SNX17: variants seen among roughly 807,000 people sequenced by gnomAD.
The protein encoded by SNX17 is sorting nexin 17, also known as sorting nexin-17.
In SNX17, 35 loss-of-function variants were observed where a neutral mutation model predicts 64.3. That is an observed-to-expected ratio of 0.54 (90% CI 0.42 to 0.72). SNX17 has a LOEUF of 0.72. Among genes scored for constraint, SNX17 ranks in the 30% least tolerant of loss-of-function variants. The pLI, the probability that SNX17 is intolerant of heterozygous loss-of-function variation, is 0.00. For synonymous variants in SNX17, 259 were observed against 230.2 expected (o/e 1.13, Z -1.13); for missense variants, 538 against 610.0 (o/e 0.88, Z 1.24).
rs541521803 is a variant in SNX17, at chr2:27,370,721, G to GGCCGT, written c.-12_-8dup. On this transcript the variant is annotated 5_prime_UTR_variant, in exon 1 of 15. Transcript: ENST00000233575. ...CTGCGGCCCTCACAGTCCGGAGCCC[G>GGCCGT]GCCGTGCCGTGCCGTAGGGAACATG... 4.1e-4 allele frequency: 632 copies of GGCCGT among 1,543,138 alleles called. 3 individuals are homozygous for GGCCGT. Among genetic ancestry groups the GGCCGT allele is most frequent in the African/African-American group, 4.1e-3 (296 of 72,852 alleles).
chr2:27,373,279 A>G lies in SNX17; in HGVS notation c.289A>G (p.Thr97Ala), dbSNP rs778956307. 4.4e-5 allele frequency: 71 copies of G among 1,614,088 alleles called. No homozygotes were observed. Among genetic ancestry groups the G allele is most frequent in the Non-Finnish European group, 5.9e-5 (70 of 1,180,038 alleles). Residue 97 changes from threonine (T) to alanine (A), a missense_variant, in exon 4 of 15, where the codon ACT becomes GCT. Thr to Ala is a moderately conservative substitution (Grantham distance 58). Transcript: ENST00000233575. ...RQDPLLGSSE[T>A]FNSFLRRAQQ... is the part of the protein sequence containing the mutation. ...AGACCCATTGCTTGGGAGCAGCGAG[A>G]CTTTCAACAGTTTCCTGCGTCGGGC...
rs777818780 is a variant in SNX17, at chr2:27,375,099, C to T, written c.720C>T (p.Thr240=). The change falls in exon 9 of 15, where the codon ACC becomes ACT. Residue 240 remains threonine (T), a synonymous_variant. Coordinates refer to ENST00000233575, the MANE Select transcript of SNX17 (RefSeq NM_014748.4). This position sits in a 1 kb window ranked among gnomAD's most constrained non-coding sequence, Gnocchi z 4.1. ...SDIERGWILV[T]KEQHRQLKSL... ...TTGAGCGTGGGTGGATCTTGGTCAC[C>T]AAGGAACAGCACCGGCAACTCAAAT... 1.9e-6 allele frequency: 3 copies of T among 1,614,054 alleles called. No homozygotes were observed. Among genetic ancestry groups the T allele is most frequent in the Non-Finnish European group, 8.5e-7 (1 of 1,180,014 alleles).
At position 27,376,939 on chromosome 2, in the gene SNX17, C is replaced by T; in HGVS notation, c.*220C>T. On this transcript the variant is annotated 3_prime_UTR_variant, in exon 15 of 15. Coordinates refer to ENST00000233575, the MANE Select transcript of SNX17 (RefSeq NM_014748.4). ...TCTTTTCAGAGCTGGCCCTCGATGC[C>T]AAATTAGCATTTAGTATTTTGCACA... 1 of 573,158 alleles carries T rather than the reference C, an allele frequency of 1.7e-6. No homozygotes were observed. The highest frequency in any genetic ancestry group is 3.1e-6 in the Non-Finnish European group (1 of 320,556). The allele number at this position is 573,158 out of a possible 1,614,324, so 35.5% of individuals were successfully genotyped here.
chr2:27,375,040 T>G lies in SNX17; in HGVS notation c.682-21T>G, dbSNP rs775844149. The G allele has an allele frequency of 1.2e-6, 2 of 1,608,408 alleles. No homozygotes were observed. The highest frequency in any genetic ancestry group is 1.7e-5 in the Admixed American group (1 of 60,000). On this transcript the variant is annotated intron_variant, in intron 8 of 14. Transcript: ENST00000233575. The surrounding 1 kb of genome is among the most constrained non-coding windows in gnomAD (Gnocchi z 4.1). ...TTGCTGACTGGGACCTCCTACTGCCTGCCCCTTGTCTCTACTATAGACGGT... is the reference window on the plus strand; with the variant it reads ...TTGCTGACTGGGACCTCCTACTGCCGGCCCCTTGTCTCTACTATAGACGGT...
rs1683338039 is a variant in SNX17, at chr2:27,377,198, A to G, written c.*479A>G. 3 of 477,620 alleles carry G rather than the reference A, an allele frequency of 6.3e-6. No individual in the cohort carries two copies. Among genetic ancestry groups the G allele is most frequent in the South Asian group, 6.1e-5 (3 of 48,906 alleles). The allele number at this position is 477,620 out of a possible 1,614,324, so 29.6% of individuals were successfully genotyped here. A position where few individuals can be genotyped will look rare whatever the true frequency, so the allele number is the denominator to read the frequency against. ...GGACTACTATGCTAAGGGTAAGGCC[A>G]AATTGCCTGCCATTGCCAATTCAGC... is the stretch of plus-strand genomic sequence containing the variant. On this transcript the variant is annotated 3_prime_UTR_variant, in exon 15 of 15. Coordinates refer to ENST00000233575, the MANE Select transcript of SNX17 (RefSeq NM_014748.4). The surrounding 1 kb of genome is among the most constrained non-coding windows in gnomAD (Gnocchi z 4.4).
At position 27,376,367 on chromosome 2, in the gene SNX17, G is replaced by C. The variant is rs755622174; in HGVS notation, c.1237G>C (p.Val413Leu). ...GAGACGCTCAGACAGCCAGCAAGCAGTGAAGTCCCCACCACTGCTTGTAAG... is the reference window on the plus strand; with the variant it reads ...GAGACGCTCAGACAGCCAGCAAGCACTGAAGTCCCCACCACTGCTTGTAAG... ...TLRRSDSQQA[V>L]KSPPLLESPD... The change falls in exon 13 of 15, where the codon GTG becomes CTG. Residue 413 changes from valine (V) to leucine (L), a missense_variant. Val to Leu is a conservative substitution (Grantham distance 32). Coordinates refer to ENST00000233575, the MANE Select transcript of SNX17 (RefSeq NM_014748.4). 1 of 1,613,604 alleles carries C rather than the reference G, an allele frequency of 6.2e-7. No homozygotes were observed. Among genetic ancestry groups the C allele is most frequent in the Non-Finnish European group, 8.5e-7 (1 of 1,179,654 alleles).
chr2:27,377,505 C>T lies in SNX17; in HGVS notation c.*786C>T, dbSNP rs1462976970. On this transcript the variant is annotated 3_prime_UTR_variant, in exon 15 of 15. Coordinates refer to ENST00000233575, the MANE Select transcript of SNX17 (RefSeq NM_014748.4). This position sits in a 1 kb window ranked among gnomAD's most constrained non-coding sequence, Gnocchi z 4.4. The stretch of plus-strand genomic sequence containing the variant: ...CCAGCGGGGGAGAAAAAGGTGGCTT[C>T]TGGTCCGTCTGTATAAAACATGGGG... The T allele has an allele frequency of 6.2e-7, 1 of 1,607,828 alleles. No individual in the cohort carries two copies. Among genetic ancestry groups the T allele is most frequent in the Admixed American group, 1.7e-5 (1 of 60,020 alleles).
intron 13 of SNX17, 26 bp downstream of exon 13, chr2:27,376,413 C>G: frequency 1.2e-6 from 2 of 1,614,018 alleles, no homozygotes; most frequent in South Asian, 2.2e-5. Flanking sequence ...TGGTCAGAAC[C>G]CTGGCTCTCA....
chr2:27,373,114 G>T, intron 3 of SNX17, 133 bp from the exon 4 acceptor site: 2 of 1,583,750 alleles, frequency 1.3e-6, no homozygotes, highest in East Asian at 2.3e-5. Flanking sequence ...AGTGAGTGAG[G>T]TGAGGCCAGC....
chr2:27,371,569 C>G, intron 2 of SNX17: 2 of 925,616 alleles, frequency 2.2e-6, no homozygotes, highest in Admixed American at 3.9e-5. Context: ...TTCTGGTTTT[C>G]TGTCCAGTCT....
At chr2:27,374,514 A>T (rs1245922255) in intron 7 of SNX17, 81 bp downstream of exon 7, 6 of 1,390,358 alleles carry the variant, frequency 4.3e-6, no homozygotes, top group Non-Finnish European at 6.1e-6. Flanking sequence ...AGACAGAATA[A>T]TCTGGACAAG....
chr2:27,376,105 G>A lies in SNX17; in HGVS notation c.1105-1G>A. The A allele has an allele frequency of 6.2e-7, 1 of 1,614,138 alleles. No homozygotes were observed. Among genetic ancestry groups the A allele is most frequent in the Non-Finnish European group, 8.5e-7 (1 of 1,180,030 alleles). On this transcript the variant is annotated splice_acceptor_variant, in intron 11 of 14. Coordinates refer to ENST00000233575, the MANE Select transcript of SNX17 (RefSeq NM_014748.4). LOFTEE classifies it high-confidence loss of function. ...AAGCTGGACACTCTTCTTGCCCTCA[G>A]GCTATCATGATGAGCATCTGCTTGC...
At position 27,373,978 on chromosome 2, in the gene SNX17, C is replaced by T. The variant is rs780179100; in HGVS notation, c.432+7C>T. On this transcript the variant is annotated splice_region_variant and intron_variant, in intron 5 of 14. Transcript: ENST00000233575. ...GACTGAGGATGTCCTGGAGGTGAGG[C>T]GCTTGTTCAGCACTGCCCCTTCTTC... is the stretch of plus-strand genomic sequence containing the variant. 3.4e-5 allele frequency: 55 copies of T among 1,613,000 alleles called. No homozygotes were observed. Among genetic ancestry groups the T allele is most frequent in the Admixed American group, 5.0e-5 (3 of 59,998 alleles).
At chr2:27,372,481 G>A in intron 2 of SNX17, 142 bp from the exon 3 acceptor site, 1 of 1,178,158 alleles carries the variant, frequency 8.5e-7, no homozygotes, top group Middle Eastern at 2.2e-4. Flanking sequence ...CAAAGGAATT[G>A]TTTCTCAGAT....
Position 27,375,928 on chromosome 2 carries a change from T to C in SNX17, c.1061T>C (p.Met354Thr), listed in dbSNP as rs1003395315. Residue 354 changes from methionine (M) to threonine (T), a missense_variant, in exon 11 of 15, where the codon ATG becomes ACG. By Grantham distance (81) the Met-to-Thr change is moderately conservative. Transcript: ENST00000233575. The surrounding 1 kb of genome is among the most constrained non-coding windows in gnomAD (Gnocchi z 4.1). ...CTGGAACTGGCTTTTGAATACCTCA[T>C]GAGCAAGGACCGGCTACAGTGGGTC... ...VRLELAFEYL[M>T]SKDRLQWVTI... 1 of 1,614,176 alleles carries C rather than the reference T, an allele frequency of 6.2e-7. No homozygotes were observed. The highest frequency in any genetic ancestry group is 8.5e-7 in the Non-Finnish European group (1 of 1,180,026).
chr2:27,375,714 G>T lies in SNX17; in HGVS notation c.978+5G>T, dbSNP rs371599267. On this transcript the variant is annotated splice_donor_5th_base_variant and intron_variant, in intron 10 of 14. Transcript: ENST00000233575. This position sits in a 1 kb window ranked among gnomAD's most constrained non-coding sequence, Gnocchi z 4.1. ...TGCTGGCGGGTCACCTCCTCTGTGAGTCGGGTTAGGAGGGGGAAGGGCCTG... is the reference window on the plus strand; with the variant it reads ...TGCTGGCGGGTCACCTCCTCTGTGATTCGGGTTAGGAGGGGGAAGGGCCTG... 2 of 1,613,694 alleles carry T rather than the reference G, an allele frequency of 1.2e-6. No individual in the cohort carries two copies. The highest frequency in any genetic ancestry group is 2.7e-5 in the African/African-American group (2 of 74,926).
intron 1 of SNX17, 38 bp downstream of exon 1, chr2:27,370,844 G>A: frequency 2.0e-6 from 3 of 1,530,054 alleles, no homozygotes; most frequent in Non-Finnish European, 2.6e-6. Context: ...CCGGGCAGGG[G>A]CGGGGATAAC....
rs1683034207 is a variant in SNX17, at chr2:27,375,063, G to A, written c.684G>A (p.Thr228=). The change falls in exon 9 of 15, where the codon ACG becomes ACA. Residue 228 remains threonine (T), a splice_region_variant and synonymous_variant. Transcript: ENST00000233575. This position sits in a 1 kb window ranked among gnomAD's most constrained non-coding sequence, Gnocchi z 4.1. ...RVGLNLLYAQ[T]VSDIERGWIL... ...CCTGCCCCTTGTCTCTACTATAGAC[G>A]GTATCAGATATTGAGCGTGGGTGGA... The A allele has an allele frequency of 2.5e-6, 4 of 1,613,686 alleles. No individual in the cohort carries two copies. Among genetic ancestry groups the A allele is most frequent in the African/African-American group, 1.3e-5 (1 of 74,880 alleles).
chr2:27,377,329 T>C lies in SNX17; in HGVS notation c.*610T>C. 2.9e-6 allele frequency: 2 copies of C among 694,394 alleles called. No homozygotes were observed. The highest frequency in any genetic ancestry group is 5.4e-5 in the East Asian group (2 of 37,028). The allele number at this position is 694,394 out of a possible 1,614,324, so 43.0% of individuals were successfully genotyped here. On this transcript the variant is annotated 3_prime_UTR_variant, in exon 15 of 15. Transcript: ENST00000233575. The surrounding 1 kb of genome is among the most constrained non-coding windows in gnomAD (Gnocchi z 4.4). ...CCCCAGCCGGTTTGTCCACAGCCCCTGGGGGCAGTGGAGGTGAATACAGGG... is the reference window on the plus strand; with the variant it reads ...CCCCAGCCGGTTTGTCCACAGCCCCCGGGGGCAGTGGAGGTGAATACAGGG...
Sources: gnomAD v4.1 joint callset for allele counts on GRCh38, gnomAD v4.1.1 for gene constraint, Gnocchi (gnomAD v3.1) non-coding constraint, MANE v1.5 for transcripts, NCBI Gene and HGNC (gene_info 2026-07-23, HGNC 2026-07-21) for gene names.